Variants in SV2C observed in about 807,000 individuals in gnomAD.
The protein encoded by SV2C is synaptic vesicle glycoprotein 2C.
Under a neutral mutation model 79.7 loss-of-function variants are expected in SV2C, and 49 were observed. That is an observed-to-expected ratio of 0.61 (90% CI 0.49 to 0.78). SV2C has a LOEUF of 0.78. SV2C is among the 30% of genes least tolerant of loss of function. SV2C has a pLI of 0.00. For missense variants in SV2C, 833 were observed against 912.9 expected (o/e 0.91, Z 1.13); for synonymous variants, 334 against 333.2 (o/e 1.00, Z -0.03).
intron 6 of SV2C, among the ~76,000 whole-genome samples, chr5:76,289,298 T>C (rs1747463983): frequency 6.6e-6 from 1 of 152,196 alleles, no homozygotes; most frequent in African/African-American, 2.4e-5. Context: ...TCTCCTTAGC[T>C]GATCTCAGCT....
rs1310454457 is a variant in SV2C, at chr5:76,291,645, T to C, written c.1249-123T>C. The C allele has an allele frequency of 1.6e-5, 11 of 682,332 alleles. No individual in the cohort carries two copies. The East Asian group carries it at 2.8e-4, about 18-fold the overall frequency. 42.3% of individuals were successfully genotyped at this position (682,332 alleles called of 1,614,324 possible). A position where few individuals can be genotyped will look rare whatever the true frequency, so the allele number is the denominator to read the frequency against. ...TTCCAATTACCTTTAACTTTTACATTTTAAGGTGAAATGAATCCAACCCAA... is the reference window on the plus strand; with the variant it reads ...TTCCAATTACCTTTAACTTTTACATCTTAAGGTGAAATGAATCCAACCCAA... On this transcript the variant is annotated intron_variant, in intron 7 of 12. Transcript: ENST00000502798.
In SV2C at chr5:76,131,687, C is replaced by T; in HGVS notation, c.-64C>T. 1 of 1,413,348 alleles carries T rather than the reference C, an allele frequency of 7.1e-7. No individual in the cohort carries two copies. Among genetic ancestry groups the T allele is most frequent in the Non-Finnish European group, 9.7e-7 (1 of 1,035,352 alleles). The allele number at this position is 1,413,348 out of a possible 1,614,324, so 87.6% of individuals were successfully genotyped here. On this transcript the variant is annotated 5_prime_UTR_variant, in exon 2 of 13. Transcript: ENST00000502798. ...CCCAAAGTGGATGATGCTGTCAGAG[C>T]TGAACCACTGAAAGGAGGCTGTGAA...
At chr5:76,049,647 G>A in the SV2C span, among the ~76,000 whole-genome samples, 1 of 152,202 alleles carries the variant, frequency 6.6e-6, no homozygotes, top group Non-Finnish European at 1.5e-5. Context: ...ATGTCATTTT[G>A]AGTTGAAAGT....
At chr5:76,010,657 A>G in the SV2C span, among the ~76,000 whole-genome samples, 3 of 152,160 alleles carry the variant, frequency 2.0e-5, no homozygotes, top group Non-Finnish European at 4.4e-5. Context: ...TAACTCTAAC[A>G]TTAAAATTGG....
the SV2C span, among the ~76,000 whole-genome samples, chr5:76,049,040 G>C: frequency 0.028 from 2,442 of 88,368 alleles, 56 homozygotes; most frequent in Non-Finnish European, 0.04. Flanking sequence ...AAAAGAGGGA[G>C]GGAGGGGAGG....
the SV2C span, among the ~76,000 whole-genome samples, chr5:76,041,943 A>G: frequency 6.6e-6 from 1 of 152,102 alleles, no homozygotes; most frequent in Non-Finnish European, 1.5e-5. Flanking sequence ...CCCAAAATCC[A>G]GAACGCTCCC....
chr5:76,079,529 C>A (rs1746947957), upstream of SV2C: 1 of 294,336 alleles, frequency 3.4e-6, no homozygotes. Flanking sequence ...ATCTCTGGAA[C>A]AAGATTCCAT....
In SV2C at chr5:76,198,540, C is replaced by T. The variant is rs1194884942; in HGVS notation, c.761+3441C>T. Among the ~76,000 whole-genome samples the T allele has an allele frequency of 1.2e-4, 19 of 152,140 alleles. 1 individual carries two copies. Among genetic ancestry groups the T allele is most frequent in the Admixed American group, 1.2e-3 (18 of 15,272 alleles). ...ATAAACCCCTTTTCTTTATAAACTGCCCCACCTCAGGTATTCCTTTATAGC... is the reference window on the plus strand; with the variant it reads ...ATAAACCCCTTTTCTTTATAAACTGTCCCACCTCAGGTATTCCTTTATAGC... On this transcript the variant is annotated intron_variant, in intron 3 of 12. Coordinates refer to ENST00000502798, the MANE Select transcript of SV2C (RefSeq NM_014979.4).
chr5:76,061,629 T>C, the SV2C span, among the ~76,000 whole-genome samples: 2 of 152,090 alleles, frequency 1.3e-5, no homozygotes, highest in Non-Finnish European at 2.9e-5. Flanking sequence ...GTGTGTTGTA[T>C]CTATGTGGAA....
At chr5:76,005,737 A>C in the SV2C span, among the ~76,000 whole-genome samples, 1 of 152,210 alleles carries the variant, frequency 6.6e-6, no homozygotes, top group Non-Finnish European at 1.5e-5. Context: ...TGACAAATGA[A>C]ACCATGCAAG....
At chr5:76,048,249 G>A in the SV2C span, among the ~76,000 whole-genome samples, 7 of 152,188 alleles carry the variant, frequency 4.6e-5, no homozygotes, top group Non-Finnish European at 1.0e-4. Flanking sequence ...AGGAAAGCTG[G>A]TGATGTAATT....
At chr5:75,938,675 C>G in the SV2C span, among the ~76,000 whole-genome samples, 1 of 152,082 alleles carries the variant, frequency 6.6e-6, no homozygotes, top group Admixed American at 6.6e-5. Flanking sequence ...GTAGCGGGGT[C>G]TGGGGCACTG....
intron 12 of SV2C, among the ~76,000 whole-genome samples, chr5:76,342,564 C>A (rs1277118700): frequency 6.6e-6 from 1 of 152,182 alleles, no homozygotes; most frequent in Non-Finnish European, 1.5e-5. Context: ...GTGCCAGGCC[C>A]CACAGGGCAC....
the SV2C span, among the ~76,000 whole-genome samples, chr5:75,942,303 G>A: frequency 6.6e-6 from 1 of 152,180 alleles, no homozygotes; most frequent in Non-Finnish European, 1.5e-5. Flanking sequence ...AGTTCTATAA[G>A]CTCCTCTAGA....
intron 2 of SV2C, among the ~76,000 whole-genome samples, chr5:76,171,572 G>A (rs866237551): frequency 0.016 from 2,302 of 144,108 alleles, 105 homozygotes; most frequent in African/African-American, 0.049. Flanking sequence ...AGTGAGGAGC[G>A]TCTCCGCCGG....
chr5:75,890,616 A>G, the SV2C span, among the ~76,000 whole-genome samples: 1 of 152,140 alleles, frequency 6.6e-6, no homozygotes, highest in African/African-American at 2.4e-5. Context: ...GAGGACATTT[A>G]TGCATTTCTG....
intron 4 of SV2C, among the ~76,000 whole-genome samples, chr5:76,274,287 G>C (rs538455417): frequency 6.6e-6 from 1 of 152,252 alleles, no homozygotes; most frequent in Non-Finnish European, 1.5e-5. Context: ...AAACATTAAA[G>C]AAATGTCAAG....
At chr5:76,300,699 G>A (rs1389887757) in intron 10 of SV2C, 30 bp from the exon 11 acceptor site, 1 of 1,605,774 alleles carries the variant, frequency 6.2e-7, no homozygotes. Context: ...GTAAGAGCTT[G>A]ATGAATTGTC....
At chr5:75,960,141 G>A in the SV2C span, among the ~76,000 whole-genome samples, 1 of 151,894 alleles carries the variant, frequency 6.6e-6, no homozygotes, top group Admixed American at 6.6e-5. Context: ...AACTTTTAAT[G>A]AAAAAATCCT....
Sources: gnomAD v4.1 joint callset for allele counts (sites outside exome capture counted in the v4.1 genomes callset) on GRCh38, gnomAD v4.1.1 for gene constraint, MANE v1.5 for transcripts, NCBI Gene and HGNC (gene_info 2026-07-23, HGNC 2026-07-21) for gene names.